The following RGS6 variants were observed in gnomAD, a reference collection of about 807,000 sequenced individuals.
RGS6 encodes the protein regulator of G protein signaling 6.
RGS6 carries 30 observed loss-of-function variants against 78.5 expected under a neutral mutation model. That is an observed-to-expected ratio of 0.38 (90% CI 0.29 to 0.52). The LOEUF (loss-of-function observed/expected upper bound fraction) is 0.52, where lower values mean the gene tolerates loss of function less well. RGS6 is among the 20% of genes least tolerant of loss of function. The pLI, the probability that RGS6 is intolerant of heterozygous loss-of-function variation, is 0.85. For missense variants in RGS6, 495 were observed against 609.7 expected, an observed-to-expected ratio of 0.81 and a Z score of 1.98; for synonymous variants, 206 against 206.0, an observed-to-expected ratio of 1.00 and a Z score of 0.00.
the RGS6 span, among the ~76,000 whole-genome samples, chr14:71,889,044 C>T: frequency 6.6e-6 from 1 of 152,030 alleles, no homozygotes; most frequent in Non-Finnish European, 1.5e-5. Flanking sequence ...TTGTCATGGC[C>T]TTCCATTGAG....
intron 1 of RGS6, among the ~76,000 whole-genome samples, chr14:71,957,321 A>G (rs2041200007): frequency 6.6e-6 from 1 of 152,182 alleles, no homozygotes; most frequent in African/African-American, 2.4e-5. Context: ...CCTGAGTGCC[A>G]CAGAGCAGGG....
intron 17 of RGS6, among the ~76,000 whole-genome samples, chr14:72,542,402 A>C (rs78194402): frequency 4.5e-4 from 69 of 152,382 alleles, no homozygotes; most frequent in Admixed American, 9.8e-4. Flanking sequence ...TTGCAATTTG[A>C]TAGCCATTCT....
At chr14:71,986,733 C>T (rs1197241786) in intron 2 of RGS6, among the ~76,000 whole-genome samples, 2 of 152,038 alleles carry the variant, frequency 1.3e-5, no homozygotes, top group South Asian at 2.1e-4. Context: ...ACCAAGAAAC[C>T]CCACAAATGC....
At chr14:72,627,006 C>A in the RGS6 span, among the ~76,000 whole-genome samples, 1 of 150,000 alleles carries the variant, frequency 6.7e-6, no homozygotes, top group East Asian at 2.0e-4. Context: ...CATTTCCTAT[C>A]AGGTTTCTGG....
At chr14:72,352,976 G>A (rs2681754) in intron 3 of RGS6, among the ~76,000 whole-genome samples, 89,385 of 152,064 alleles carry the variant, frequency 0.59, 28,351 homozygotes, top group African/African-American at 0.84. Context: ...TTCAAAATTC[G>A]GGAACCAAAG....
At chr14:72,125,457 C>A (rs943584024) in intron 2 of RGS6, among the ~76,000 whole-genome samples, 2 of 152,122 alleles carry the variant, frequency 1.3e-5, no homozygotes, top group Non-Finnish European at 2.9e-5. Flanking sequence ...ATAACCCAAC[C>A]AGGCCCCTTA....
chr14:72,269,851 C>G (rs1383246238), intron 2 of RGS6, among the ~76,000 whole-genome samples: 1 of 152,114 alleles, frequency 6.6e-6, no homozygotes, highest in Middle Eastern at 3.2e-3. Context: ...CAGGTGTGAG[C>G]CACTGCACCC....
chr14:72,469,978 C>G, intron 7 of RGS6, 29 bp from the exon 8 acceptor site: 1 of 1,535,800 alleles, frequency 6.5e-7, no homozygotes. Context: ...ATGATTAATG[C>G]CGCCTTGTTG....
In RGS6 at chr14:72,236,379, C is replaced by T. The variant is rs182529503; in HGVS notation, c.85-115716C>T. 3.1e-3 allele frequency among the ~76,000 whole-genome samples: 471 copies of T among 152,188 alleles called. 1 individual carries two copies. The highest frequency in any genetic ancestry group is 0.011 in the African/African-American group (454 of 41,512). On this transcript the variant is annotated intron_variant, in intron 2 of 17. Coordinates refer to ENST00000553525, the MANE Select transcript of RGS6 (RefSeq NM_001204424.2). The stretch of plus-strand genomic sequence containing the variant: ...CAGTTCAGCATGCTTATTATTAACT[C>T]GAGTTAAATATTTAATATATATTTC...
Position 71,964,923 on chromosome 14 carries a change from G to T in RGS6, c.84+48G>T, listed in dbSNP as rs547765860. On this transcript the variant is annotated intron_variant, in intron 2 of 17. Coordinates refer to ENST00000553525, the MANE Select transcript of RGS6 (RefSeq NM_001204424.2). ...GTGCGTGCTGTCCGTGTGGACTGTTGTGTTCTGTGTAGGGCTGATAAAAAG... is the reference window on the plus strand; with the variant it reads ...GTGCGTGCTGTCCGTGTGGACTGTTTTGTTCTGTGTAGGGCTGATAAAAAG... 1.4e-4 allele frequency: 208 copies of T among 1,479,468 alleles called. 3 individuals are homozygous for T. The South Asian group carries it at 2.3e-3, about 16-fold the overall frequency. 91.6% of individuals were successfully genotyped at this position (1,479,468 alleles called of 1,614,324 possible).
chr14:72,360,949 A>G (rs1376091805), intron 3 of RGS6, among the ~76,000 whole-genome samples: 1 of 152,064 alleles, frequency 6.6e-6, no homozygotes, highest in Non-Finnish European at 1.5e-5. Flanking sequence ...TGGTTTTTAT[A>G]AGTGTTTGAC....
At chr14:72,186,301 T>C (rs1182762861) in intron 2 of RGS6, among the ~76,000 whole-genome samples, 1 of 152,248 alleles carries the variant, frequency 6.6e-6, no homozygotes. Context: ...TTGCTGGGCA[T>C]TAACGCAGAT....
chr14:72,570,999 T>C (rs2097719573), downstream of RGS6, among the ~76,000 whole-genome samples: 1 of 152,188 alleles, frequency 6.6e-6, no homozygotes, highest in Non-Finnish European at 1.5e-5. Flanking sequence ...AATCCAGACA[T>C]ATCTTGTACA....
At chr14:72,459,898 A>G (rs1263852616) in intron 6 of RGS6, among the ~76,000 whole-genome samples, 1 of 152,090 alleles carries the variant, frequency 6.6e-6, no homozygotes, top group African/African-American at 2.4e-5. Context: ...CTTGGAGGGG[A>G]AGCAGGAGAG....
At chr14:72,291,557 A>C (rs1044141885) in intron 2 of RGS6, among the ~76,000 whole-genome samples, 1 of 152,242 alleles carries the variant, frequency 6.6e-6, no homozygotes, top group Non-Finnish European at 1.5e-5. Context: ...GTAACCTCAC[A>C]GTACCTAATC....
chr14:72,370,051 A>C (rs1040239965), intron 3 of RGS6, among the ~76,000 whole-genome samples: 1 of 152,092 alleles, frequency 6.6e-6, no homozygotes, highest in Non-Finnish European at 1.5e-5. Context: ...CCATATATAC[A>C]TTTATATAAT....
intron 2 of RGS6, among the ~76,000 whole-genome samples, chr14:72,191,078 G>A (rs1017045988): frequency 8.5e-5 from 13 of 152,050 alleles, no homozygotes; most frequent in African/African-American, 2.7e-4. Context: ...TATTCCAAGC[G>A]AATTTCTCAG....
At chr14:71,979,750 G>A (rs1331173624) in intron 2 of RGS6, among the ~76,000 whole-genome samples, 1 of 152,158 alleles carries the variant, frequency 6.6e-6, no homozygotes, top group African/African-American at 2.4e-5. Context: ...GATTTGGGGT[G>A]GAGAGTTCTG....
At chr14:72,589,179 A>G in the RGS6 span, among the ~76,000 whole-genome samples, 1 of 62,296 alleles carries the variant, frequency 1.6e-5, no homozygotes, top group African/African-American at 4.6e-5. Flanking sequence ...TTTAAAAAAA[A>G]TAAAATAAAG....
Sources: allele counts gnomAD v4.1 joint callset (sites outside exome capture counted in the v4.1 genomes callset), GRCh38; gene constraint gnomAD v4.1.1; transcripts MANE v1.5; gene names NCBI Gene and HGNC (gene_info 2026-07-23, HGNC 2026-07-21).